The following RPS6KA5 variants were observed in gnomAD, a reference collection of about 807,000 sequenced individuals.
RPS6KA5 encodes the protein ribosomal protein S6 kinase A5.
RPS6KA5 carries 27 observed loss-of-function variants against 85.5 expected under a neutral mutation model. The ratio of observed to expected loss-of-function variants is 0.32; its 90% confidence interval spans 0.23 to 0.44. The LOEUF (loss-of-function observed/expected upper bound fraction) is 0.44, where lower values mean the gene tolerates loss of function less well. RPS6KA5 is among the 20% of genes least tolerant of loss of function. The probability of loss-of-function intolerance (pLI) is 1.00; values close to 1 mark genes in which losing one functional copy is unlikely to be tolerated. For missense variants in RPS6KA5, 811 were observed against 980.9 expected (o/e 0.83, Z 2.31); for synonymous variants, 334 against 348.2 (o/e 0.96, Z 0.46).
intron 14 of RPS6KA5, among the ~76,000 whole-genome samples, chr14:90,885,403 A>T (rs1475805765): frequency 2.6e-5 from 4 of 150,952 alleles, no homozygotes; most frequent in Admixed American, 1.3e-4. Flanking sequence ...AATACAAAAA[A>T]TTAGCCGGGC....
rs1056203419 is a variant in RPS6KA5 at position 90,855,108 on chromosome 14, T to C, written c.*16966A>G. Reference sequence around the variant, plus strand: ...AAAAAGATGTATAAGTTCACTCATATTGATAAAACTTTTGCATTCAAATGA... The same window carrying C: ...AAAAAGATGTATAAGTTCACTCATACTGATAAAACTTTTGCATTCAAATGA... On this transcript the variant is annotated 3_prime_UTR_variant, in exon 17 of 17. Coordinates refer to ENST00000614987, the MANE Select transcript of RPS6KA5 (RefSeq NM_004755.4). The C allele has an allele frequency of 2.6e-5, 4 of 152,236 alleles. No individual in the cohort carries two copies. The highest frequency in any genetic ancestry group is 2.1e-4 in the South Asian group (1 of 4,836). 9.4% of individuals were successfully genotyped at this position (152,236 alleles called of 1,614,324 possible).
intron 5 of RPS6KA5, among the ~76,000 whole-genome samples, chr14:90,934,781 TG>T (rs772743471): frequency 9.2e-5 from 14 of 152,136 alleles, no homozygotes; most frequent in Non-Finnish European, 1.9e-4. Flanking sequence ...CCCCAACCTT[TG>T]GAGGGGAATC....
Position 90,890,557 on chromosome 14 carries a change from G to A in RPS6KA5, c.1766C>T (p.Ala589Val), listed in dbSNP as rs1333558064. Residue 589 changes from alanine to valine, a missense_variant, in exon 14 of 17, where the codon GCC becomes GTC. Coordinates refer to ENST00000614987, the MANE Select transcript of RPS6KA5 (RefSeq NM_004755.4). Reference protein sequence around the residue: ...LKTPCFTLHYAAPELLNQNGY... With the variant: ...LKTPCFTLHYVAPELLNQNGY... ...GTTCTGATTCAAGAGCTCTGGGGCG[G>A]CATAATGAAGGGTGAAGCATGGAGT... The A allele has an allele frequency of 3.7e-6, 6 of 1,614,146 alleles. No homozygotes were observed. Among genetic ancestry groups the A allele is most frequent in the Non-Finnish European group, 5.1e-6 (6 of 1,179,992 alleles).
At chr14:90,997,507 T>C (rs2040581654) in intron 2 of RPS6KA5, among the ~76,000 whole-genome samples, 1 of 152,070 alleles carries the variant, frequency 6.6e-6, no homozygotes, top group Admixed American at 6.6e-5. Flanking sequence ...GCCTCCCAAG[T>C]AGCTAGGAAT....
At chr14:90,991,282 C>T (rs76973526) in intron 2 of RPS6KA5, among the ~76,000 whole-genome samples, 1 of 152,158 alleles carries the variant, frequency 6.6e-6, no homozygotes, top group African/African-American at 2.4e-5. Flanking sequence ...CAGGTTAAGA[C>T]ACCCCTTGAA....
intron 5 of RPS6KA5, among the ~76,000 whole-genome samples, chr14:90,927,753 T>C (rs2036751191): frequency 6.6e-6 from 1 of 151,900 alleles, no homozygotes; most frequent in African/African-American, 2.4e-5. Flanking sequence ...AAATCCACAA[T>C]CATCATGGGT....
chr14:90,883,515 C>G (rs971830063), intron 14 of RPS6KA5, among the ~76,000 whole-genome samples: 1 of 152,058 alleles, frequency 6.6e-6, no homozygotes, highest in Non-Finnish European at 1.5e-5. Context: ...CTGTTATTTC[C>G]ATTTTGTTAA....
In RPS6KA5 at chr14:91,060,546, T is replaced by C; in HGVS notation, c.-112A>G. 1 of 1,205,196 alleles carries C rather than the reference T, an allele frequency of 8.3e-7. No individual in the cohort carries two copies. The highest frequency in any genetic ancestry group is 1.0e-6 in the Non-Finnish European group (1 of 959,514). 74.7% of individuals were successfully genotyped at this position (1,205,196 alleles called of 1,614,324 possible). A position where few individuals can be genotyped will look rare whatever the true frequency, so the allele number is the denominator to read the frequency against. ...GCCCCAGGAGTCGGGGTGCGGCGGC[T>C]CCAGAACTCGGACGCAAAGACGAGT... On this transcript the variant is annotated 5_prime_UTR_variant, in exon 1 of 17. Coordinates refer to ENST00000614987, the MANE Select transcript of RPS6KA5 (RefSeq NM_004755.4).
intron 4 of RPS6KA5, 36 bp downstream of exon 4, chr14:90,947,399 C>G (rs768557035): frequency 2.1e-5 from 25 of 1,192,188 alleles, no homozygotes; most frequent in Non-Finnish European, 3.0e-5. Context: ...AGTTAACAGA[C>G]TTCAGAAAAG....
intron 6 of RPS6KA5, 40 bp from the exon 7 acceptor site, chr14:90,920,349 C>A: frequency 1.5e-6 from 2 of 1,311,192 alleles, no homozygotes; most frequent in Non-Finnish European, 2.2e-6. Context: ...GAATTATCAA[C>A]TAAAATATTT....
At chr14:90,945,459 T>C (rs559759028) in intron 4 of RPS6KA5, among the ~76,000 whole-genome samples, 36 of 152,242 alleles carry the variant, frequency 2.4e-4, no homozygotes, top group Non-Finnish European at 1.6e-4. Flanking sequence ...ATTTACTATC[T>C]GCGTCACCTC....
chr14:90,934,170 TGCAAGA>T (rs2037140407), intron 5 of RPS6KA5, among the ~76,000 whole-genome samples: 4 of 152,214 alleles, frequency 2.6e-5, no homozygotes, highest in Non-Finnish European at 5.9e-5. Context: ...GCTCATTCAT[TGCAAGA>T]TCTCAACACT....
rs1454432663 is a variant in RPS6KA5, at chr14:90,868,804, T to C, written c.*3270A>G. 1 of 152,202 alleles carries C rather than the reference T, an allele frequency of 6.6e-6. No homozygotes were observed. Among genetic ancestry groups the C allele is most frequent in the Non-Finnish European group, 1.5e-5 (1 of 68,032 alleles). 9.4% of individuals were successfully genotyped at this position (152,202 alleles called of 1,614,324 possible). On this transcript the variant is annotated 3_prime_UTR_variant, in exon 17 of 17. Coordinates refer to ENST00000614987, the MANE Select transcript of RPS6KA5 (RefSeq NM_004755.4). ...AGATACAAAAGGAATTTCCTTACTTTAAAAAAAGTGACTTCTATCTTAGTA... is the reference window on the plus strand; with the variant it reads ...AGATACAAAAGGAATTTCCTTACTTCAAAAAAAGTGACTTCTATCTTAGTA...
intron 1 of RPS6KA5, among the ~76,000 whole-genome samples, chr14:91,030,340 C>G (rs2042136105): frequency 6.6e-6 from 1 of 152,024 alleles, no homozygotes; most frequent in Non-Finnish European, 1.5e-5. Context: ...ATATATAAGT[C>G]TACACACGCG....
chr14:90,905,305 T>C (rs1185215893), intron 8 of RPS6KA5, among the ~76,000 whole-genome samples: 1 of 152,126 alleles, frequency 6.6e-6, no homozygotes, highest in Admixed American at 6.5e-5. Context: ...GTTTTGGTGA[T>C]AATAATGTAA....
intron 3 of RPS6KA5, among the ~76,000 whole-genome samples, chr14:90,973,672 C>T (rs2039425454): frequency 1.3e-5 from 2 of 151,920 alleles, no homozygotes; most frequent in Non-Finnish European, 2.9e-5. Flanking sequence ...AAAAAAAGAA[C>T]AAGGAAAAGC....
At chr14:90,938,378 G>A (rs887429922) in intron 5 of RPS6KA5, among the ~76,000 whole-genome samples, 2 of 152,180 alleles carry the variant, frequency 1.3e-5, no homozygotes, top group African/African-American at 4.8e-5. Flanking sequence ...GGTGCACGGT[G>A]CGAGCTGTTG....
intron 1 of RPS6KA5, among the ~76,000 whole-genome samples, chr14:91,023,562 G>A (rs1002222625): frequency 2.0e-5 from 3 of 152,114 alleles, no homozygotes; most frequent in South Asian, 2.1e-4. Flanking sequence ...TGGGATTACC[G>A]GCATGAGCCA....
At chr14:91,005,346 T>C (rs964320525) in intron 1 of RPS6KA5, among the ~76,000 whole-genome samples, 2 of 152,232 alleles carry the variant, frequency 1.3e-5, no homozygotes, top group Non-Finnish European at 2.9e-5. Flanking sequence ...TAAAAGGTGA[T>C]ATGATATAGG....
Sources: allele counts gnomAD v4.1 joint callset (sites outside exome capture counted in the v4.1 genomes callset), GRCh38; gene constraint gnomAD v4.1.1; transcripts MANE v1.5; gene names NCBI Gene and HGNC (gene_info 2026-07-23, HGNC 2026-07-21).